Variants in BLNK observed in about 807,000 individuals in gnomAD.
The protein encoded by BLNK is B-cell linker protein.
Under a neutral mutation model 73.5 loss-of-function variants are expected in BLNK, and 29 were observed. The observed-to-expected ratio is 0.39, with a 90% CI of 0.29 to 0.54. The LOEUF is 0.54. Ranked by LOEUF, BLNK falls within the 20% of genes least tolerant of loss-of-function variation. The pLI is 0.61. For missense variants in BLNK, 460 were observed against 562.8 expected (o/e 0.82, Z 1.85); for synonymous variants, 176 against 200.8 (o/e 0.88, Z 1.04).
Position 96,230,614 on chromosome 10 carries a change from C to T in BLNK, c.204+180G>A, listed in dbSNP as rs112540329. Among the ~76,000 whole-genome samples the T allele has an allele frequency of 9.8e-3, 1,499 of 152,306 alleles. 18 individuals carry two copies. Among genetic ancestry groups the T allele is most frequent in the African/African-American group, 0.033 (1,365 of 41,558 alleles). ...TATGTGTGGAAAGCTCTTAGCCAGG[C>T]GCACACTGAGTGCCAGTCAAGTCAG... On this transcript the variant is annotated intron_variant, in intron 4 of 16. Transcript: ENST00000224337.
intron 13 of BLNK, among the ~76,000 whole-genome samples, chr10:96,202,320 G>A (rs587775952): frequency 6.6e-6 from 1 of 152,310 alleles, no homozygotes; most frequent in Admixed American, 6.5e-5. Flanking sequence ...CAACAGCAGA[G>A]TGGGGGAGGC....
chr10:96,215,645 A>G (rs2084048006), intron 7 of BLNK, among the ~76,000 whole-genome samples: 1 of 152,198 alleles, frequency 6.6e-6, no homozygotes, highest in Non-Finnish European at 1.5e-5. Flanking sequence ...GATGATAGAG[A>G]TCTTGTTAAA....
intron 1 of BLNK, among the ~76,000 whole-genome samples, chr10:96,251,277 C>T (rs1295731070): frequency 2.0e-5 from 3 of 152,202 alleles, no homozygotes. Flanking sequence ...GTCAACTGTC[C>T]ACGCATCTGG....
At chr10:96,205,483 T>C (rs189478188) in intron 11 of BLNK, among the ~76,000 whole-genome samples, 153 of 152,352 alleles carry the variant, frequency 1.0e-3, no homozygotes, top group African/African-American at 3.6e-3. Context: ...AGTGGTGCAC[T>C]AAAGCTTGGA....
chr10:96,204,471 T>A (rs2083742449), intron 12 of BLNK, 61 bp downstream of exon 12: 2 of 1,537,730 alleles, frequency 1.3e-6, no homozygotes, highest in African/African-American at 1.4e-5. Flanking sequence ...AGTGAAACAA[T>A]GCACATGTTA....
rs781845656 is a variant in BLNK at position 96,209,853 on chromosome 10, G to A, written c.731C>T (p.Pro244Leu). 8.1e-6 allele frequency: 13 copies of A among 1,614,094 alleles called. No individual in the cohort carries two copies. The highest frequency in any genetic ancestry group is 3.3e-5 in the South Asian group (3 of 91,092). The change falls in exon 9 of 17, where the codon CCG becomes CTG. Residue 244 changes from proline to leucine, a missense_variant. Physicochemically the swap from Pro to Leu is moderately conservative, Grantham distance 98. Transcript: ENST00000224337. The stretch of plus-strand genomic sequence containing the variant: ...AGGTACTTACCCGGCCCGTGGCAAC[G>A]GGGATGGTGCAGCTGGTGGAGGTGA... ...TKSPPPAAPS[P>L]LPRAGKKPTT...
intron 1 of BLNK, 70 bp from the exon 2 acceptor site, chr10:96,247,119 T>C: frequency 9.3e-7 from 1 of 1,076,174 alleles, no homozygotes; most frequent in Non-Finnish European, 1.4e-6. Flanking sequence ...TCTCCTACTC[T>C]TCTCGAATAC....
chr10:96,207,819 A>G lies in BLNK; in HGVS notation c.774+53T>C, dbSNP rs2083856750. 15 of 1,596,488 alleles carry G rather than the reference A, an allele frequency of 9.4e-6. No individual in the cohort carries two copies. In the South Asian group the frequency reaches 1.4e-4, roughly 15 times the overall value. On this transcript the variant is annotated intron_variant, in intron 10 of 16. Coordinates refer to ENST00000224337, the MANE Select transcript of BLNK (RefSeq NM_013314.4). ...ATTTTCAACTTTAAATAAATGGATA[A>G]GAATAAACACTGCAGGAAATATGAA...
Position 96,200,637 on chromosome 10 carries a change from C to G in BLNK, c.1011+345G>C, listed in dbSNP as rs1223773835. Among the ~76,000 whole-genome samples the G allele has an allele frequency of 6.6e-6, 1 of 152,116 alleles. No individual in the cohort carries two copies. On this transcript the variant is annotated intron_variant, in intron 14 of 16. Transcript: ENST00000224337. This position sits in a 1 kb window ranked among gnomAD's most constrained non-coding sequence, Gnocchi z 4.3. The stretch of plus-strand genomic sequence containing the variant: ...GGGCACACAGAGTCCTTTCTCTGTC[C>G]CTTTATAAACTGTGCTGTCTTATAT...
At chr10:96,203,248 A>C (rs1243469040) in intron 13 of BLNK, among the ~76,000 whole-genome samples, 1 of 152,216 alleles carries the variant, frequency 6.6e-6, no homozygotes, top group African/African-American at 2.4e-5. Context: ...ATGAAAAATA[A>C]ATTTCTGTAG....
At chr10:96,215,698 A>G (rs2084049065) in intron 7 of BLNK, among the ~76,000 whole-genome samples, 1 of 152,192 alleles carries the variant, frequency 6.6e-6, no homozygotes, top group South Asian at 2.1e-4. Context: ...TGGGAGGTCT[A>G]AGAGATAAAG....
chr10:96,226,181 G>A (rs1045693023), intron 5 of BLNK, among the ~76,000 whole-genome samples: 4 of 152,156 alleles, frequency 2.6e-5, no homozygotes, highest in African/African-American at 7.2e-5. Flanking sequence ...CAGGATTATC[G>A]AGGAGGTTAA....
intron 4 of BLNK, 103 bp from the exon 5 acceptor site, chr10:96,227,669 A>G (rs1370883161): frequency 6.4e-7 from 1 of 1,559,968 alleles, no homozygotes; most frequent in Non-Finnish European, 8.8e-7. Context: ...ACAGGAGACA[A>G]GGCTTGGAGA....
At chr10:96,204,332 T>G in intron 12 of BLNK, 200 bp downstream of exon 12, 1 of 711,190 alleles carries the variant, frequency 1.4e-6, no homozygotes, top group Non-Finnish European at 2.4e-6. Context: ...GTTCAATAAT[T>G]AACCCAATTA....
rs954852205 is a variant in BLNK at position 96,269,437 on chromosome 10, T to C, written c.47+1915A>G. Among the ~76,000 whole-genome samples, 4 of 151,740 alleles carry C rather than the reference T, an allele frequency of 2.6e-5. No individual in the cohort carries two copies. The East Asian group carries it at 7.7e-4, about 29-fold the overall frequency. On this transcript the variant is annotated intron_variant, in intron 1 of 16. Coordinates refer to ENST00000224337, the MANE Select transcript of BLNK (RefSeq NM_013314.4). ...GTCTGAAAACAAAAAAAAAAAAACA[T>C]TTGGAATCCTCCTGTTCATTCAGAG...
At chr10:96,238,864 C>G (rs1173505074) in intron 3 of BLNK, 5 of 340,942 alleles carry the variant, frequency 1.5e-5, no homozygotes, top group African/African-American at 2.1e-5. Flanking sequence ...TCTTTCAGTT[C>G]AGGAAAGGCA....
intron 3 of BLNK, among the ~76,000 whole-genome samples, chr10:96,234,186 C>T (rs10882754): frequency 0.71 from 107,733 of 152,094 alleles, 40,894 homozygotes; most frequent in Non-Finnish European, 0.84. Context: ...TAGATAAAAC[C>T]TTGGTGAAAC....
At chr10:96,237,986 C>G (rs1005788475) in intron 3 of BLNK, among the ~76,000 whole-genome samples, 5 of 152,238 alleles carry the variant, frequency 3.3e-5, no homozygotes, top group African/African-American at 1.2e-4. Context: ...AGTCAATACT[C>G]AACAGATTTT....
In BLNK at chr10:96,191,920, A is replaced by T; in HGVS notation, c.*53T>A. 6.2e-7 allele frequency: 1 copy of T among 1,610,360 alleles called. No individual in the cohort carries two copies. Among genetic ancestry groups the T allele is most frequent in the Non-Finnish European group, 8.5e-7 (1 of 1,177,734 alleles). On this transcript the variant is annotated 3_prime_UTR_variant, in exon 17 of 17. Coordinates refer to ENST00000224337, the MANE Select transcript of BLNK (RefSeq NM_013314.4). ...AGTTTTGGGACTTTTTCTCAAAAGG[A>T]GAAACTTTGGGAAAGTGTCTGAAGC... is the stretch of plus-strand genomic sequence containing the variant.
Sources: gnomAD v4.1 joint callset for allele counts (sites outside exome capture counted in the v4.1 genomes callset) on GRCh38, gnomAD v4.1.1 for gene constraint, Gnocchi (gnomAD v3.1) non-coding constraint, MANE v1.5 for transcripts, NCBI Gene and HGNC (gene_info 2026-07-23, HGNC 2026-07-21) for gene names.